PATJ: variants seen among roughly 807,000 people sequenced by gnomAD.
The protein encoded by PATJ is inaD-like protein.
Under a neutral mutation model 224.9 loss-of-function variants are expected in PATJ, and 190 were observed. The ratio of observed to expected loss-of-function variants is 0.84; its 90% CI spans 0.75 to 0.95. PATJ has a LOEUF of 0.95. PATJ is among the 40% of genes least tolerant of loss of function. The pLI is 0.00. For synonymous variants in PATJ, 769 were observed against 820.3 expected (o/e 0.94, Z 1.07); for missense variants, 2,121 against 2,270.3 (o/e 0.93, Z 1.34).
chr1:61,898,709 C>T (rs1041079096), intron 22 of PATJ, among the ~76,000 whole-genome samples: 26 of 152,172 alleles, frequency 1.7e-4, no homozygotes, highest in Non-Finnish European at 3.1e-4. Flanking sequence ...AGATAATACA[C>T]GGCACTGTCT....
At chr1:61,875,714 C>T (rs1667249227) in intron 21 of PATJ, among the ~76,000 whole-genome samples, 1 of 152,008 alleles carries the variant, frequency 6.6e-6, no homozygotes, top group Non-Finnish European at 1.5e-5. Flanking sequence ...AGTAATATTG[C>T]TAGCTCATTT....
At chr1:61,808,225 T>C (rs544796118) in intron 13 of PATJ, among the ~76,000 whole-genome samples, 9 of 152,286 alleles carry the variant, frequency 5.9e-5, no homozygotes, top group African/African-American at 2.2e-4. Flanking sequence ...TATATATATG[T>C]GCCCATCACC....
In PATJ at chr1:62,133,816, G is replaced by A. The variant is rs192655340; in HGVS notation, c.5271+4871G>A. Among the ~76,000 whole-genome samples the A allele has an allele frequency of 9.5e-4, 138 of 145,702 alleles. 1 individual carries two copies. The Middle Eastern group carries it at 0.015, about 16-fold the overall frequency. On this transcript the variant is annotated intron_variant, in intron 41 of 43. Coordinates refer to ENST00000642238, the MANE Select transcript of PATJ (RefSeq NM_001350145.3). ...GGCTGGAGTGCAGTGGCACAATCTC[G>A]GCTCCACTGAGCCTCCACCTCCTGG...
chr1:62,141,978 ATAAT>A (rs553016748), intron 41 of PATJ, among the ~76,000 whole-genome samples: 1,590 of 152,356 alleles, frequency 0.01, 21 homozygotes, highest in Middle Eastern at 0.02. Flanking sequence ...TCAAAAATAA[ATAAT>A]TAAATAAACA....
intron 33 of PATJ, among the ~76,000 whole-genome samples, chr1:62,107,017 G>A (rs1663145472): frequency 6.6e-6 from 1 of 152,070 alleles, no homozygotes; most frequent in Admixed American, 6.5e-5. Context: ...CAAAAGCTGT[G>A]TCCCTCTCGG....
chr1:61,999,683 A>G (rs1380231851), intron 28 of PATJ, among the ~76,000 whole-genome samples: 1 of 151,940 alleles, frequency 6.6e-6, no homozygotes, highest in East Asian at 1.9e-4. Context: ...AACAAACAAA[A>G]CAGAAACCAG....
chr1:62,128,532 G>A (rs1558208780), intron 40 of PATJ: 6 of 318,324 alleles, frequency 1.9e-5, no homozygotes, highest in East Asian at 1.2e-4. Context: ...TTTATTGAAC[G>A]GTTGATGTGT....
At chr1:61,977,825 C>A (rs1453881976) in intron 27 of PATJ, among the ~76,000 whole-genome samples, 1 of 150,312 alleles carries the variant, frequency 6.7e-6, no homozygotes, top group Admixed American at 6.6e-5. Flanking sequence ...GCTTAGTACA[C>A]TATGATGGGG....
chr1:62,127,413 A>T (rs548874264), intron 39 of PATJ, among the ~76,000 whole-genome samples: 2 of 111,664 alleles, frequency 1.8e-5, no homozygotes, highest in African/African-American at 6.6e-5. Context: ...TCTATTGGTA[A>T]GGAATTTTTT....
At chr1:61,862,801 T>C (rs191543876) in intron 19 of PATJ, among the ~76,000 whole-genome samples, 88 of 152,304 alleles carry the variant, frequency 5.8e-4, no homozygotes, top group Middle Eastern at 3.4e-3. Flanking sequence ...ATTATACTTA[T>C]GTTGCTCTTT....
chr1:61,948,290 G>A (rs1679069872), intron 27 of PATJ, among the ~76,000 whole-genome samples: 1 of 152,062 alleles, frequency 6.6e-6, no homozygotes, highest in Non-Finnish European at 1.5e-5. Flanking sequence ...TACAGAATGG[G>A]AGAAAATTTT....
At position 62,028,075 on chromosome 1, in the gene PATJ, C is replaced by T. The variant is rs541810196; in HGVS notation, c.3960-9902C>T. Among the ~76,000 whole-genome samples, 8 of 152,286 alleles carry T rather than the reference C, an allele frequency of 5.3e-5. No individual in the cohort carries two copies. In the East Asian group the frequency reaches 1.2e-3, roughly 22 times the overall value. ...TATTGTCAAATCCAATGTCACAAAGCATTTCATCCCTATATTTTCATCTAA... is the reference window on the plus strand; with the variant it reads ...TATTGTCAAATCCAATGTCACAAAGTATTTCATCCCTATATTTTCATCTAA... On this transcript the variant is annotated intron_variant, in intron 29 of 43. Transcript: ENST00000642238.
At chr1:62,050,120 C>CAAAAAA (rs35986021) in intron 30 of PATJ, among the ~76,000 whole-genome samples, 1 of 95,208 alleles carries the variant, frequency 1.1e-5, no homozygotes, top group Admixed American at 1.2e-4. Flanking sequence ...TCTGCCCCAC[C>CAAAAAA]AAAAAAAAAA....
At chr1:61,914,227 G>A (rs1280258107) in intron 25 of PATJ, among the ~76,000 whole-genome samples, 5 of 152,138 alleles carry the variant, frequency 3.3e-5, no homozygotes, top group African/African-American at 9.7e-5. Context: ...AGGCTGAGGC[G>A]GGCGGATCAT....
chr1:61,782,847 G>A (rs532248708), intron 7 of PATJ, among the ~76,000 whole-genome samples: 1 of 152,304 alleles, frequency 6.6e-6, no homozygotes, highest in Admixed American at 6.5e-5. Flanking sequence ...AACAGGCAGT[G>A]TAAAACCCTT....
chr1:62,018,010 A>C lies in PATJ; in HGVS notation c.3959+63A>C. The C allele has an allele frequency of 2.4e-6, 2 of 841,768 alleles. No homozygotes were observed. The highest frequency in any genetic ancestry group is 4.1e-6 in the Non-Finnish European group (2 of 487,976). The allele number at this position is 841,768 out of a possible 1,614,324, so 52.1% of individuals were successfully genotyped here. A position where few individuals can be genotyped will look rare whatever the true frequency, so the allele number is the denominator to read the frequency against. Reference sequence around the variant, plus strand: ...CTCTTCTGAAGATGTTATTAGTGTAAGACTATGTCATCTTTGATTTGTCTA... The same window carrying C: ...CTCTTCTGAAGATGTTATTAGTGTACGACTATGTCATCTTTGATTTGTCTA... On this transcript the variant is annotated intron_variant, in intron 29 of 43. Coordinates refer to ENST00000642238, the MANE Select transcript of PATJ (RefSeq NM_001350145.3). The surrounding 1 kb of genome is among the most constrained non-coding windows in gnomAD (Gnocchi z 4.2).
At chr1:61,860,458 T>G (rs1664361010) in intron 18 of PATJ, among the ~76,000 whole-genome samples, 6 of 152,186 alleles carry the variant, frequency 3.9e-5, no homozygotes, top group Admixed American at 3.9e-4. Context: ...TTTGCTTAGT[T>G]ATGTGGTTTG....
chr1:62,123,191 A>G, intron 39 of PATJ, 133 bp downstream of exon 39: 1 of 618,308 alleles, frequency 1.6e-6, no homozygotes, highest in South Asian at 2.5e-5. Flanking sequence ...ATATGGTCTA[A>G]ATAACATCAA....
At chr1:61,877,725 A>G (rs931557563) in intron 21 of PATJ, among the ~76,000 whole-genome samples, 1 of 152,216 alleles carries the variant, frequency 6.6e-6, no homozygotes, top group Non-Finnish European at 1.5e-5. Context: ...CTGTGAGTCA[A>G]TTAAACATGT....
Sources: gnomAD v4.1 joint callset for allele counts (sites outside exome capture counted in the v4.1 genomes callset) on GRCh38, gnomAD v4.1.1 for gene constraint, Gnocchi (gnomAD v3.1) non-coding constraint, MANE v1.5 for transcripts, NCBI Gene and HGNC (gene_info 2026-07-23, HGNC 2026-07-21) for gene names.